The following MAPRE1 variants were observed in gnomAD, a reference collection of about 807,000 sequenced individuals.
MAPRE1 encodes microtubule associated protein RP/EB family member 1.
Under a neutral mutation model 32.1 loss-of-function variants are expected in MAPRE1, and 5 were observed. The ratio of observed to expected loss-of-function variants is 0.16; its 90% CI spans 0.08 to 0.33. The LOEUF is 0.33. MAPRE1 is among the 10% of genes least tolerant of loss of function. The pLI is 1.00. For synonymous variants in MAPRE1, 122 were observed against 118.9 expected (o/e 1.03, Z -0.17); for missense variants, 209 against 327.2 (o/e 0.64, Z 2.79).
chr20:32,843,692 T>G (rs1224340717), intron 5 of MAPRE1, among the ~76,000 whole-genome samples: 1 of 152,230 alleles, frequency 6.6e-6, no homozygotes. Context: ...CTCATCTCAG[T>G]GGCACTGGCC....
chr20:32,842,276 G>A (rs1246049463), intron 5 of MAPRE1, among the ~76,000 whole-genome samples: 1 of 152,046 alleles, frequency 6.6e-6, no homozygotes, highest in Admixed American at 6.6e-5. Context: ...TAGTAGAGAC[G>A]AGGTTTCACC....
chr20:32,833,911 T>TA (rs762089528), intron 3 of MAPRE1, 49 bp downstream of exon 3: 55 of 1,501,110 alleles, frequency 3.7e-5, no homozygotes, highest in Non-Finnish European at 4.6e-5. Flanking sequence ...TAATGATCGT[T>TA]ACTAAGGAGG....
intron 1 of MAPRE1, among the ~76,000 whole-genome samples, chr20:32,824,381 G>T (rs981680335): frequency 6.6e-6 from 1 of 152,252 alleles, no homozygotes; most frequent in African/African-American, 2.4e-5. Flanking sequence ...GCAGAAAAGG[G>T]AGGGAAGAGA....
At chr20:32,844,038 G>A (rs1983436010) in intron 5 of MAPRE1, among the ~76,000 whole-genome samples, 1 of 152,004 alleles carries the variant, frequency 6.6e-6, no homozygotes, top group Non-Finnish European at 1.5e-5. Context: ...ATTTTTAGTA[G>A]AGACAGGGTT....
intron 2 of MAPRE1, among the ~76,000 whole-genome samples, chr20:32,829,953 T>G (rs1327322325): frequency 1.3e-5 from 2 of 152,010 alleles, no homozygotes; most frequent in East Asian, 3.9e-4. Flanking sequence ...AGAGAATGAT[T>G]TTTATGAGAG....
At chr20:32,843,888 C>CT (rs1294283335) in intron 5 of MAPRE1, among the ~76,000 whole-genome samples, 1 of 148,540 alleles carries the variant, frequency 6.7e-6, no homozygotes, top group South Asian at 2.1e-4. Context: ...GAGTTTTGCT[C>CT]TGTCACACAG....
chr20:32,826,105 G>A (rs934873759), intron 2 of MAPRE1, 57 bp downstream of exon 2: 4 of 1,510,594 alleles, frequency 2.6e-6, no homozygotes, highest in Non-Finnish European at 3.6e-6. Context: ...TTTCAGGAAT[G>A]TGAAGGCCTG....
At chr20:32,822,973 T>C (rs376587692) in intron 1 of MAPRE1, among the ~76,000 whole-genome samples, 4 of 152,208 alleles carry the variant, frequency 2.6e-5, no homozygotes, top group African/African-American at 9.6e-5. Context: ...ATCAGCTGAT[T>C]TGGGGAGTGT....
In MAPRE1 at chr20:32,839,748, C is replaced by T; in HGVS notation, c.489C>T (p.Pro163=). 2.5e-6 allele frequency: 4 copies of T among 1,614,082 alleles called. No homozygotes were observed. Among genetic ancestry groups the T allele is most frequent in the Non-Finnish European group, 3.4e-6 (4 of 1,179,978 alleles). ...LTSSSAAPQR[P]ISTQRTAAAP... ...TCTCTTTTTCAGCTCCCCAGAGGCCCATCTCAACACAGAGAACCGCTGCGG... is the reference window on the plus strand; with the variant it reads ...TCTCTTTTTCAGCTCCCCAGAGGCCTATCTCAACACAGAGAACCGCTGCGG... Residue 163 remains proline, a synonymous_variant, in exon 5 of 7, where the codon CCC becomes CCT. Transcript: ENST00000375571.
intron 5 of MAPRE1, among the ~76,000 whole-genome samples, chr20:32,844,639 C>T (rs138982910): frequency 2.0e-5 from 3 of 151,692 alleles, no homozygotes; most frequent in African/African-American, 7.3e-5. Context: ...GTCTTGATCT[C>T]TTGACCTCGT....
chr20:32,843,244 C>T (rs544722538), intron 5 of MAPRE1: 1 of 152,174 alleles, frequency 6.6e-6, no homozygotes, highest in East Asian at 1.9e-4. Flanking sequence ...TTATCTGGCC[C>T]CTCCTGAAAG....
At chr20:32,823,006 C>G (rs1399948496) in intron 1 of MAPRE1, among the ~76,000 whole-genome samples, 1 of 152,180 alleles carries the variant, frequency 6.6e-6, no homozygotes, top group Non-Finnish European at 1.5e-5. Context: ...GATTTGCTTT[C>G]TGACAAGTTT....
At chr20:32,848,213 G>A (rs1983557745) in intron 6 of MAPRE1, among the ~76,000 whole-genome samples, 1 of 143,902 alleles carries the variant, frequency 6.9e-6, no homozygotes, top group Admixed American at 7.0e-5. Context: ...GGCTTGGCTA[G>A]TTTTTTTTTT....
At chr20:32,840,489 AAAG>A (rs1983329680) in intron 5 of MAPRE1, among the ~76,000 whole-genome samples, 2 of 152,306 alleles carry the variant, frequency 1.3e-5, no homozygotes, top group South Asian at 2.1e-4. Context: ...TTTTATTAAA[AAAG>A]TTTTTTTAAT....
intron 5 of MAPRE1, among the ~76,000 whole-genome samples, chr20:32,841,855 A>T (rs1254647855): frequency 6.6e-6 from 1 of 152,030 alleles, no homozygotes; most frequent in African/African-American, 2.4e-5. Flanking sequence ...AGCAGATTAT[A>T]TGAGCTGAAT....
chr20:32,836,565 A>G, intron 3 of MAPRE1, 69 bp from the exon 4 acceptor site: 1 of 836,172 alleles, frequency 1.2e-6, no homozygotes, highest in Non-Finnish European at 2.0e-6. Context: ...TAATGAATTG[A>G]TGCATGGACT....
rs142807044 is a variant in MAPRE1 at position 32,826,739 on chromosome 20, A to G, written c.121+691A>G. On this transcript the variant is annotated intron_variant, in intron 2 of 6. Coordinates refer to ENST00000375571, the MANE Select transcript of MAPRE1 (RefSeq NM_012325.3). Reference sequence around the variant, plus strand: ...AGACGGGGTTTCACCATGAGGTCGAACTCGTGACCTCAAATGATCTGCCTG... The same window carrying G: ...AGACGGGGTTTCACCATGAGGTCGAGCTCGTGACCTCAAATGATCTGCCTG... 7.8e-4 allele frequency among the ~76,000 whole-genome samples: 115 copies of G among 147,902 alleles called. 1 individual carries two copies. In the East Asian group the frequency reaches 0.022, roughly 29 times the overall value.
chr20:32,846,753 A>C lies in MAPRE1; in HGVS notation c.733A>C (p.Ile245Leu). Reference sequence around the variant, plus strand: ...CCCTGTATTGCAGAGGATTGTAGACATTCTGTATGCCACAGATGTATGTGT... The same window carrying C: ...CCCTGTATTGCAGAGGATTGTAGACCTTCTGTATGCCACAGATGTATGTGT... The part of the protein sequence containing the change: ...NDPVLQRIVD[I>L]LYATDEGFVI... Residue 245 changes from isoleucine to leucine, a missense_variant, in exon 6 of 7, where the codon ATT (isoleucine) becomes CTT (leucine). By Grantham distance (5) the Ile-to-Leu change is conservative. This residue lies in a region of MAPRE1 where 36 missense variants were observed against 71.9 expected (regional missense o/e 0.50). Coordinates refer to ENST00000375571, the MANE Select transcript of MAPRE1 (RefSeq NM_012325.3). 1.9e-6 allele frequency: 3 copies of C among 1,614,232 alleles called. No individual in the cohort carries two copies. The highest frequency in any genetic ancestry group is 1.1e-5 in the South Asian group (1 of 91,084).
chr20:32,827,509 C>CA (rs1054439785), intron 2 of MAPRE1, among the ~76,000 whole-genome samples: 7 of 152,096 alleles, frequency 4.6e-5, no homozygotes, highest in Admixed American at 1.3e-4. Context: ...AAGAAGAAAA[C>CA]AAAAAAATGC....
Sources: gnomAD v4.1 joint callset for allele counts (sites outside exome capture counted in the v4.1 genomes callset) on GRCh38, gnomAD v4.1.1 for gene constraint, gnomAD v4.1.1 regional missense constraint, MANE v1.5 for transcripts, NCBI Gene and HGNC (gene_info 2026-07-23, HGNC 2026-07-21) for gene names.